Variants in DLG2 observed in about 807,000 individuals in gnomAD.
DLG2 encodes the protein discs large MAGUK scaffold protein 2.
Under a neutral mutation model 132.5 loss-of-function variants are expected in DLG2, and 45 were observed. The ratio of observed to expected loss-of-function variants is 0.34; its 90% CI spans 0.27 to 0.44. The LOEUF (loss-of-function observed/expected upper bound fraction) is 0.44, where lower values mean the gene tolerates loss of function less well. Ranked by LOEUF, DLG2 falls within the 20% of genes least tolerant of loss-of-function variation. The pLI, the probability that DLG2 is intolerant of heterozygous loss-of-function variation, is 1.00. For missense variants in DLG2, 1,045 were observed against 1,196.9 expected (o/e 0.87, Z 1.87); for synonymous variants, 424 against 419.6 (o/e 1.01, Z -0.13).
intron 6 of DLG2, among the ~76,000 whole-genome samples, chr11:84,622,465 A>T (rs746602914): frequency 9.9e-5 from 15 of 152,160 alleles, no homozygotes; most frequent in Non-Finnish European, 1.9e-4. Context: ...CCTTCATAAG[A>T]GTCTGATCCC....
chr11:85,552,602 A>C (rs1413632318), intron 3 of DLG2, among the ~76,000 whole-genome samples: 1 of 151,652 alleles, frequency 6.6e-6, no homozygotes, highest in Non-Finnish European at 1.5e-5. Flanking sequence ...TAGTGACTTA[A>C]ATAAAATAAA....
At chr11:85,039,373 C>G (rs919294472) in intron 6 of DLG2, among the ~76,000 whole-genome samples, 1 of 151,890 alleles carries the variant, frequency 6.6e-6, no homozygotes, top group Non-Finnish European at 1.5e-5. Flanking sequence ...TGCTGAAATA[C>G]TTCTTCACTA....
intron 15 of DLG2, among the ~76,000 whole-genome samples, chr11:83,900,386 T>G (rs1200459939): frequency 1.3e-5 from 2 of 152,000 alleles, no homozygotes; most frequent in African/African-American, 2.4e-5. Context: ...ATGTCAGAGG[T>G]CTTGATGGCA....
intron 18 of DLG2, among the ~76,000 whole-genome samples, chr11:83,745,009 A>C (rs1555373761): frequency 6.6e-6 from 1 of 152,230 alleles, no homozygotes; most frequent in Non-Finnish European, 1.5e-5. Flanking sequence ...AGGATGCTGC[A>C]ATACTCATAC....
chr11:84,644,890 A>G (rs943809358), intron 6 of DLG2, among the ~76,000 whole-genome samples: 1 of 152,138 alleles, frequency 6.6e-6, no homozygotes, highest in Non-Finnish European at 1.5e-5. Context: ...ATCCTCTGCC[A>G]TTGTTTCAAG....
At chr11:84,420,309 C>A (rs751145200) in intron 7 of DLG2, among the ~76,000 whole-genome samples, 14 of 152,156 alleles carry the variant, frequency 9.2e-5, no homozygotes, top group Non-Finnish European at 1.3e-4. Flanking sequence ...GCTTAGATAA[C>A]CAACTCTGTG....
intron 6 of DLG2, among the ~76,000 whole-genome samples, chr11:84,952,200 G>A (rs1039133209): frequency 6.6e-6 from 1 of 152,190 alleles, no homozygotes; most frequent in African/African-American, 2.4e-5. Context: ...GTAACTCACT[G>A]CCTCTAATGT....
intron 17 of DLG2, among the ~76,000 whole-genome samples, chr11:83,789,782 G>A (rs532491269): frequency 3.9e-5 from 6 of 152,270 alleles, no homozygotes; most frequent in South Asian, 2.1e-4. Flanking sequence ...TTTTGACCTC[G>A]TGATCTGCCT....
chr11:84,678,176 GCT>G lies in DLG2; in HGVS notation c.358-143447_358-143446del, dbSNP rs2099719240. Among the ~76,000 whole-genome samples the G allele has an allele frequency of 1.3e-5, 2 of 152,162 alleles. 1 individual carries two copies. Among genetic ancestry groups the G allele is most frequent in the East Asian group, 3.9e-4 (2 of 5,158 alleles). On this transcript the variant is annotated intron_variant, in intron 6 of 27. Coordinates refer to ENST00000376104, the MANE Select transcript of DLG2 (RefSeq NM_001142699.3). ...GTGAGAGCTAACCTAGGCCTCCATA[GCT>G]GCTTTTCTCTTCCTTTCTCTCAGAC... is the stretch of plus-strand genomic sequence containing the variant.
chr11:84,882,818 G>C (rs996530299), intron 6 of DLG2, among the ~76,000 whole-genome samples: 16 of 152,096 alleles, frequency 1.1e-4, no homozygotes, highest in African/African-American at 3.9e-4. Flanking sequence ...TTCTGTAGTA[G>C]AATTTTCAAC....
intron 7 of DLG2, among the ~76,000 whole-genome samples, chr11:84,349,762 CT>C (rs2098554350): frequency 6.6e-6 from 1 of 152,120 alleles, no homozygotes; most frequent in South Asian, 2.1e-4. Context: ...AATGTGGTCA[CT>C]TTTGGCAGAG....
At chr11:84,449,760 A>C (rs185343048) in intron 7 of DLG2, among the ~76,000 whole-genome samples, 1 of 151,968 alleles carries the variant, frequency 6.6e-6, no homozygotes, top group Admixed American at 6.6e-5. Flanking sequence ...ATTTATTTTA[A>C]AAGGGAACTT....
intron 7 of DLG2, among the ~76,000 whole-genome samples, chr11:84,267,934 T>C (rs1187318934): frequency 6.6e-6 from 1 of 152,214 alleles, no homozygotes; most frequent in East Asian, 1.9e-4. Flanking sequence ...AGTGCCTTTG[T>C]CTGTGGGCTT....
intron 19 of DLG2, among the ~76,000 whole-genome samples, chr11:83,566,586 T>A (rs180672464): frequency 6.6e-6 from 1 of 152,214 alleles, no homozygotes; most frequent in Non-Finnish European, 1.5e-5. Flanking sequence ...ACCACACATT[T>A]ATATATAGTA....
chr11:85,494,731 A>G (rs906956912), intron 3 of DLG2, among the ~76,000 whole-genome samples: 1 of 152,034 alleles, frequency 6.6e-6, no homozygotes, highest in Admixed American at 6.5e-5. Flanking sequence ...AGAAACCAAT[A>G]AAGAGTTTTG....
intron 3 of DLG2, among the ~76,000 whole-genome samples, chr11:85,290,426 T>C (rs1379673013): frequency 6.6e-6 from 1 of 151,998 alleles, no homozygotes; most frequent in Non-Finnish European, 1.5e-5. Flanking sequence ...TCTGATCCAC[T>C]AGCAACATTG....
chr11:84,809,453 A>ATAAGG (rs1566022391), intron 6 of DLG2, among the ~76,000 whole-genome samples: 1 of 50,374 alleles, frequency 2.0e-5, no homozygotes, highest in Non-Finnish European at 4.5e-5. Flanking sequence ...AATAAAAGTC[A>ATAAGG]TAAGAAAGAA....
intron 24 of DLG2, 138 bp from the exon 25 acceptor site, chr11:83,469,511 C>G: frequency 3.2e-6 from 2 of 625,378 alleles, no homozygotes; most frequent in East Asian, 2.9e-5. Context: ...GTAACAGGTA[C>G]TAGTCTTACC....
At chr11:85,048,166 C>T (rs1325964443) in intron 6 of DLG2, among the ~76,000 whole-genome samples, 1 of 151,830 alleles carries the variant, frequency 6.6e-6, no homozygotes, top group African/African-American at 2.4e-5. Context: ...TATAAAAGCA[C>T]CTACTGTCAA....
Sources: allele counts gnomAD v4.1 joint callset (sites outside exome capture counted in the v4.1 genomes callset), GRCh38; gene constraint gnomAD v4.1.1; transcripts MANE v1.5; gene names NCBI Gene and HGNC (gene_info 2026-07-23, HGNC 2026-07-21).